PDLIM3: variants seen among roughly 807,000 people sequenced by gnomAD.
The protein encoded by PDLIM3 is PDZ and LIM domain protein 3.
A neutral mutation model predicts 37.3 loss-of-function variants in PDLIM3; 36 were observed. That is an observed-to-expected ratio of 0.97 (90% CI 0.74 to 1.28). The LOEUF is 1.28. PDLIM3 is among the 50% of genes most tolerant of loss of function. PDLIM3 has a pLI of 0.00. For missense variants in PDLIM3, 454 were observed against 485.0 expected (o/e 0.94, Z 0.60); for synonymous variants, 174 against 182.4 (o/e 0.95, Z 0.37).
At chr4:185,527,226 C>A (rs146752370) in intron 1 of PDLIM3, among the ~76,000 whole-genome samples, 18 of 152,252 alleles carry the variant, frequency 1.2e-4, no homozygotes, top group African/African-American at 3.1e-4. Flanking sequence ...TAGAGCAGAA[C>A]AATACATACT....
intron 2 of PDLIM3, among the ~76,000 whole-genome samples, chr4:185,524,671 A>G (rs566785640): frequency 6.6e-6 from 1 of 152,272 alleles, no homozygotes; most frequent in Middle Eastern, 3.4e-3. Flanking sequence ...ATTCCATTCC[A>G]TTCCATTCTC....
intron 1 of PDLIM3, among the ~76,000 whole-genome samples, chr4:185,525,628 T>G (rs2095732490): frequency 6.6e-6 from 1 of 152,200 alleles, no homozygotes; most frequent in Non-Finnish European, 1.5e-5. Context: ...AATGGACTTT[T>G]TATCTCCCCC....
intron 6 of PDLIM3, among the ~76,000 whole-genome samples, chr4:185,505,626 GAAA>G (rs56912630): frequency 2.0e-5 from 3 of 147,870 alleles, no homozygotes; most frequent in African/African-American, 7.5e-5. Flanking sequence ...TCTCAAAAAA[GAAA>G]AAAAAAAAAA....
intron 7 of PDLIM3, 29 bp from the exon 8 acceptor site, chr4:185,502,512 A>G (rs973724702): frequency 6.3e-6 from 10 of 1,598,852 alleles, no homozygotes; most frequent in Non-Finnish European, 8.6e-6. Context: ...AGCTCAAGTT[A>G]AAAAACCACA....
chr4:185,506,540 T>A lies in PDLIM3; in HGVS notation c.775A>T (p.Met259Leu). The A allele has an allele frequency of 1.2e-6, 2 of 1,613,684 alleles. No homozygotes were observed. The highest frequency in any genetic ancestry group is 1.7e-6 in the Non-Finnish European group (2 of 1,179,942). ...QSGSFRVLQG[M>L]VDDGSDDRPA... ...TGCTCACCAGAGCCATCGTCCACCA[T>A]TCCCTGGAGCACTCTGAAGGAGCCC... is the stretch of plus-strand genomic sequence containing the variant. Residue 259 changes from methionine (M) to leucine (L), a missense_variant, in exon 6 of 8, where the codon ATG becomes TTG. Physicochemically the swap from Met to Leu is conservative, Grantham distance 15. Coordinates refer to ENST00000284767, the MANE Select transcript of PDLIM3 (RefSeq NM_014476.6).
Position 185,525,098 on chromosome 4 carries a change from C to T in PDLIM3, c.167G>A (p.Gly56Glu), listed in dbSNP as rs1415876308. Residue 56 changes from glycine (G) to glutamate (E), a missense_variant, in exon 2 of 8, where the codon GGG becomes GAG. By Grantham distance (98) the Gly-to-Glu change is moderately conservative. Transcript: ENST00000284767. ...GDVILAIDGFGTESMTHADAQ... is the reference protein window; with the variant it reads ...GDVILAIDGFETESMTHADAQ... Reference sequence around the variant, plus strand: ...ATCAGCATGAGTCATGGACTCTGTCCCAAAGCCGTCAATAGCCAGGATGAC... The same window carrying T: ...ATCAGCATGAGTCATGGACTCTGTCTCAAAGCCGTCAATAGCCAGGATGAC... 6.2e-7 allele frequency: 1 copy of T among 1,614,154 alleles called. No individual in the cohort carries two copies. Among genetic ancestry groups the T allele is most frequent in the Non-Finnish European group, 8.5e-7 (1 of 1,180,000 alleles).
rs1580233657 is a variant in PDLIM3, at chr4:185,504,671, A to G, written c.794-85T>C. 1.9e-6 allele frequency: 2 copies of G among 1,067,880 alleles called. No individual in the cohort carries two copies. Among genetic ancestry groups the G allele is most frequent in the East Asian group, 5.1e-5 (2 of 38,916 alleles). The allele number at this position is 1,067,880 out of a possible 1,614,324, so 66.2% of individuals were successfully genotyped here. On this transcript the variant is annotated intron_variant, in intron 6 of 7. Transcript: ENST00000284767. This position sits in a 1 kb window ranked among gnomAD's most constrained non-coding sequence, Gnocchi z 4.7. ...GCTTCTATTTTAAAGTGTGCACTTT[A>G]ACCTGAAGTTGCATCTGCACCGTCA...
chr4:185,506,839 AT>A, intron 5 of PDLIM3, 187 bp from the exon 6 acceptor site: 7 of 588,882 alleles, frequency 1.2e-5, no homozygotes, highest in Non-Finnish European at 2.1e-5. Flanking sequence ...TGCCTTGGAA[AT>A]GTCATTGAAC....
intron 2 of PDLIM3, 115 bp downstream of exon 2, chr4:185,524,905 A>G: frequency 2.0e-6 from 2 of 993,960 alleles, no homozygotes; most frequent in East Asian, 4.8e-5. Context: ...ATAAAAAGTC[A>G]GCCAAAATAC....
rs758361347 is a variant in PDLIM3, at chr4:185,525,004, ATTAG to A, written c.245+12_245+15del. On this transcript the variant is annotated intron_variant, in intron 2 of 7. Transcript: ENST00000284767. ...GCAAAACAGATCAGATTTAAGCACC[ATTAG>A]TTAAGAAGCACCTGTCAATTTTGAG... 1 of 1,613,382 alleles carries A rather than the reference ATTAG, an allele frequency of 6.2e-7. No individual in the cohort carries two copies. The highest frequency in any genetic ancestry group is 1.1e-5 in the South Asian group (1 of 91,048).
In PDLIM3 at chr4:185,513,635, A is replaced by G. The variant is rs140508359; in HGVS notation, c.398+635T>C. 44 of 988,500 alleles carry G rather than the reference A, an allele frequency of 4.5e-5. No individual in the cohort carries two copies. The Middle Eastern group carries it at 1.6e-3, about 35-fold the overall frequency. 61.2% of individuals were successfully genotyped at this position (988,500 alleles called of 1,614,324 possible). A position where few individuals can be genotyped will look rare whatever the true frequency, so the allele number is the denominator to read the frequency against. On this transcript the variant is annotated intron_variant, in intron 4 of 7. Transcript: ENST00000284767. Reference sequence around the variant, plus strand: ...ATATTCAATGTTCCTGTCGGAATCAATCCGGTCTAACCACCAGCTTCCTTC... The same window carrying G: ...ATATTCAATGTTCCTGTCGGAATCAGTCCGGTCTAACCACCAGCTTCCTTC...
At position 185,514,091 on chromosome 4, in the gene PDLIM3, A is replaced by C. The variant is rs2095710893; in HGVS notation, c.398+179T>G. ...TCATCTTGTCAATATTTACTCTTGG[A>C]AATGCAAGTTATTTGGCTTCTGTTC... On this transcript the variant is annotated intron_variant, in intron 4 of 7. Coordinates refer to ENST00000284767, the MANE Select transcript of PDLIM3 (RefSeq NM_014476.6). This position sits in a 1 kb window ranked among gnomAD's most constrained non-coding sequence, Gnocchi z 4.0. The C allele has an allele frequency of 2.0e-6, 3 of 1,496,940 alleles. No homozygotes were observed. In the Admixed American group the frequency reaches 6.7e-5, roughly 33 times the overall value. 92.7% of individuals were successfully genotyped at this position (1,496,940 alleles called of 1,614,324 possible). A position where few individuals can be genotyped will look rare whatever the true frequency, so the allele number is the denominator to read the frequency against.
chr4:185,523,613 C>CT (rs2095726821), intron 2 of PDLIM3, among the ~76,000 whole-genome samples, 167 bp from the exon 3 acceptor site: 1 of 119,712 alleles, frequency 8.4e-6, no homozygotes. Context: ...CATAATTAGT[C>CT]TTCCCCCCCC....
In PDLIM3 at chr4:185,504,374, T is replaced by C; in HGVS notation, c.905+101A>G. The C allele has an allele frequency of 1.1e-6, 1 of 889,134 alleles. No homozygotes were observed. Among genetic ancestry groups the C allele is most frequent in the Non-Finnish European group, 1.8e-6 (1 of 551,882 alleles). The allele number at this position is 889,134 out of a possible 1,614,324, so 55.1% of individuals were successfully genotyped here. A position where few individuals can be genotyped will look rare whatever the true frequency, so the allele number is the denominator to read the frequency against. On this transcript the variant is annotated intron_variant, in intron 7 of 7. Coordinates refer to ENST00000284767, the MANE Select transcript of PDLIM3 (RefSeq NM_014476.6). This position sits in a 1 kb window ranked among gnomAD's most constrained non-coding sequence, Gnocchi z 4.7. Reference sequence around the variant, plus strand: ...ACGTTTCAAGTTGATGAATAGAAATTTGGTTTTCACAGTTGCCTTTAGTCT... The same window carrying C: ...ACGTTTCAAGTTGATGAATAGAAATCTGGTTTTCACAGTTGCCTTTAGTCT...
At chr4:185,509,521 T>C (rs2095703332) in intron 4 of PDLIM3, among the ~76,000 whole-genome samples, 1 of 152,172 alleles carries the variant, frequency 6.6e-6, no homozygotes, top group South Asian at 2.1e-4. Flanking sequence ...GGAAACTGGA[T>C]AGGGGTCAGT....
intron 4 of PDLIM3, chr4:185,513,078 CTTA>C: frequency 1.0e-6 from 1 of 984,716 alleles, no homozygotes; most frequent in Non-Finnish European, 1.2e-6. Context: ...TAGATGGTCG[CTTA>C]TTGAGCATTT....
chr4:185,523,000 G>A (rs1278214969), intron 3 of PDLIM3: 1 of 216,570 alleles, frequency 4.6e-6, no homozygotes, highest in Non-Finnish European at 9.2e-6. Context: ...TGTTTCAAAT[G>A]GTAGACCTTA....
In PDLIM3 at chr4:185,502,312, A is replaced by G; in HGVS notation, c.1077T>C (p.Thr359=). Residue 359 remains threonine (T), a synonymous_variant, in exon 8 of 8, where the codon ACT becomes ACC. Coordinates refer to ENST00000284767, the MANE Select transcript of PDLIM3 (RefSeq NM_014476.6). The stretch of plus-strand genomic sequence containing the variant: ...CAGAGACTTAAGCTTTGGGATACAG[A>G]GTGACCGTGTCATAGCCCTCTGGGG... ...TKPPEGYDTV[T]LYPKA 6.2e-7 allele frequency: 1 copy of G among 1,614,224 alleles called. No individual in the cohort carries two copies.
intron 1 of PDLIM3, among the ~76,000 whole-genome samples, chr4:185,529,736 A>G (rs757410609): frequency 1.3e-5 from 2 of 152,188 alleles, no homozygotes; most frequent in Non-Finnish European, 2.9e-5. Flanking sequence ...ATTGAGAACT[A>G]TTATCTCACA....
Sources: gnomAD v4.1 joint callset for allele counts (sites outside exome capture counted in the v4.1 genomes callset) on GRCh38, gnomAD v4.1.1 for gene constraint, Gnocchi (gnomAD v3.1) non-coding constraint, MANE v1.5 for transcripts, NCBI Gene and HGNC (gene_info 2026-07-23, HGNC 2026-07-21) for gene names.